The following GATAD2A variants were observed in gnomAD, a reference collection of about 807,000 sequenced individuals.
GATAD2A encodes the protein GATA zinc finger domain containing 2A.
Under a neutral mutation model 68.5 loss-of-function variants are expected in GATAD2A, and 12 were observed. The ratio of observed to expected loss-of-function variants is 0.18; its 90% CI spans 0.11 to 0.28. The LOEUF (loss-of-function observed/expected upper bound fraction) is 0.28, where lower values mean the gene tolerates loss of function less well. Among genes scored for constraint, GATAD2A ranks in the 10% least tolerant of loss-of-function variants. The pLI is 1.00. For synonymous variants in GATAD2A, 410 were observed against 375.3 expected, an observed-to-expected ratio of 1.09 and a Z score of -1.07; for missense variants, 755 against 868.5, an observed-to-expected ratio of 0.87 and a Z score of 1.64.
At chr19:19,462,462 C>T (rs1035576220) in intron 1 of GATAD2A, among the ~76,000 whole-genome samples, 14 of 152,362 alleles carry the variant, frequency 9.2e-5, no homozygotes, top group African/African-American at 3.1e-4. Flanking sequence ...GGCCCCGCCC[C>T]GCAGTGGCCT....
At chr19:19,449,261 T>C (rs1320063041) in intron 1 of GATAD2A, among the ~76,000 whole-genome samples, 1 of 152,214 alleles carries the variant, frequency 6.6e-6, no homozygotes, top group South Asian at 2.1e-4. Context: ...AGACAACTTA[T>C]GCCCAAAACA....
intron 1 of GATAD2A, among the ~76,000 whole-genome samples, chr19:19,450,761 A>C (rs1232682097): frequency 1.4e-5 from 2 of 145,254 alleles, no homozygotes; most frequent in South Asian, 4.4e-4. Flanking sequence ...AAAAAAAAAA[A>C]ACTCTTTTTT....
chr19:19,476,223 CCTT>C (rs1176410998), intron 2 of GATAD2A, among the ~76,000 whole-genome samples: 1 of 152,218 alleles, frequency 6.6e-6, no homozygotes, highest in Non-Finnish European at 1.5e-5. Flanking sequence ...AAATGTTTGG[CCTT>C]CTCTGTCTGA....
intron 1 of GATAD2A, among the ~76,000 whole-genome samples, chr19:19,438,820 A>G (rs761560930): frequency 4.6e-5 from 7 of 152,264 alleles, no homozygotes; most frequent in Non-Finnish European, 1.0e-4. Context: ...TAGTGGTCAA[A>G]TAGGCGGAAG....
At chr19:19,386,108 C>A (rs963728972) in exon 1 of GATAD2A, 7 of 152,222 alleles carry the variant, frequency 4.6e-5, no homozygotes, top group Non-Finnish European at 7.3e-5. Context: ...AGGCCGTCGG[C>A]CGCCGTCAGC....
chr19:19,486,917 C>G (rs1305958674), intron 2 of GATAD2A, among the ~76,000 whole-genome samples: 1 of 152,176 alleles, frequency 6.6e-6, no homozygotes, highest in African/African-American at 2.4e-5. Flanking sequence ...CAAGTGAGAC[C>G]CAGGTGTCTT....
At chr19:19,456,077 ACGGGAGGCAGAGTTTGCAGTGAGCC>A (rs1482079858) in intron 1 of GATAD2A, among the ~76,000 whole-genome samples, 9 of 151,028 alleles carry the variant, frequency 6.0e-5, no homozygotes, top group Non-Finnish European at 1.2e-4. Context: ...TGGAGTGAAC[ACGGGAGGCAGAGTTTGCAGTGAGCC>A]GAGATCGCGC....
intron 1 of GATAD2A, among the ~76,000 whole-genome samples, chr19:19,413,352 A>C (rs2051192295): frequency 6.6e-6 from 1 of 152,186 alleles, no homozygotes; most frequent in Non-Finnish European, 1.5e-5. Context: ...CATCGATTGA[A>C]TTGGTTCCGT....
chr19:19,422,103 G>C (rs534761266), intron 1 of GATAD2A, among the ~76,000 whole-genome samples: 2 of 152,178 alleles, frequency 1.3e-5, no homozygotes, highest in Non-Finnish European at 2.9e-5. Context: ...GATTACAGGC[G>C]TGAGCCACTG....
Position 19,507,173 on chromosome 19 carries a change from T to C in GATAD2A, c.*1699T>C, listed in dbSNP as rs1483934765. The C allele has an allele frequency of 7.0e-6, 1 of 142,174 alleles. No homozygotes were observed. Among genetic ancestry groups the C allele is most frequent in the Non-Finnish European group, 1.5e-5 (1 of 65,582 alleles). 8.8% of individuals were successfully genotyped at this position (142,174 alleles called of 1,614,324 possible). On this transcript the variant is annotated 3_prime_UTR_variant, in exon 12 of 12. Coordinates refer to ENST00000683918, the MANE Select transcript of GATAD2A (RefSeq NM_001384528.1). ...CAGATTGGGGAAGGGTGGCTTTCAT[T>C]CCAAGATCCAGGGATTTGGGGAAAA...
chr19:19,419,538 A>G (rs1020600310), intron 1 of GATAD2A, among the ~76,000 whole-genome samples: 5 of 119,876 alleles, frequency 4.2e-5, no homozygotes, highest in Non-Finnish European at 8.3e-5. Context: ...TTTTTTTAAG[A>G]TGGAGTCTTG....
At chr19:19,438,146 G>C (rs182986869) in intron 1 of GATAD2A, among the ~76,000 whole-genome samples, 117 of 152,352 alleles carry the variant, frequency 7.7e-4, no homozygotes, top group Admixed American at 1.3e-3. Flanking sequence ...ACCTGGTGCT[G>C]TTGTGCTGTA....
intron 1 of GATAD2A, among the ~76,000 whole-genome samples, chr19:19,431,607 T>C (rs1378021561): frequency 5.3e-5 from 8 of 150,700 alleles, no homozygotes; most frequent in Non-Finnish European, 8.9e-5. Context: ...GGCAGGAGAA[T>C]TGTTTGAACC....
intron 1 of GATAD2A, among the ~76,000 whole-genome samples, chr19:19,388,786 G>GA (rs1299473436): frequency 6.6e-6 from 1 of 151,596 alleles, no homozygotes; most frequent in Non-Finnish European, 1.5e-5. Flanking sequence ...TCCCCGTGCT[G>GA]AAAAAAAATC....
intron 10 of GATAD2A, 72 bp from the exon 11 acceptor site, chr19:19,502,259 G>A (rs2060582779): frequency 8.1e-7 from 1 of 1,230,636 alleles, no homozygotes; most frequent in Non-Finnish European, 1.2e-6. Context: ...AGCAAGGAGA[G>A]GCTGCGCTGA....
At chr19:19,416,365 G>A (rs1178185045) in intron 1 of GATAD2A, among the ~76,000 whole-genome samples, 1 of 152,128 alleles carries the variant, frequency 6.6e-6, no homozygotes, top group African/African-American at 2.4e-5. Context: ...TTTGGGGTGG[G>A]GGTGGTGGCA....
chr19:19,463,745 G>A (rs1465914895), intron 1 of GATAD2A, among the ~76,000 whole-genome samples: 1 of 152,220 alleles, frequency 6.6e-6, no homozygotes, highest in African/African-American at 2.4e-5. Flanking sequence ...CTCTGGGCCT[G>A]TGTGAAGCAC....
intron 1 of GATAD2A, among the ~76,000 whole-genome samples, chr19:19,461,495 C>T (rs1212769345): frequency 6.6e-6 from 1 of 152,210 alleles, no homozygotes; most frequent in Non-Finnish European, 1.5e-5. Flanking sequence ...AACATGTTTT[C>T]TGCCTGAGGC....
intron 1 of GATAD2A, among the ~76,000 whole-genome samples, chr19:19,450,513 A>G (rs1017971358): frequency 6.6e-6 from 1 of 151,962 alleles, no homozygotes; most frequent in Non-Finnish European, 1.5e-5. Flanking sequence ...TGTGCTGCTC[A>G]TGTCTTTTTG....
Sources: gnomAD v4.1 joint callset for allele counts (sites outside exome capture counted in the v4.1 genomes callset) on GRCh38, gnomAD v4.1.1 for gene constraint, MANE v1.5 for transcripts, NCBI Gene and HGNC (gene_info 2026-07-23, HGNC 2026-07-21) for gene names.